Variants in ZSCAN18 observed in about 807,000 individuals in gnomAD.
ZSCAN18 encodes the protein zinc finger and SCAN domain-containing protein 18.
A neutral mutation model predicts 31.1 loss-of-function variants in ZSCAN18; 16 were observed. The ratio of observed to expected loss-of-function variants is 0.51; its 90% CI spans 0.35 to 0.78. ZSCAN18 has a LOEUF of 0.78. Among genes scored for constraint, ZSCAN18 ranks in the 30% least tolerant of loss-of-function variants. The pLI is 0.01. For missense variants in ZSCAN18, 731 were observed against 697.4 expected (o/e 1.05, Z -0.54); for synonymous variants, 375 against 320.7 (o/e 1.17, Z -1.81).
Position 58,090,580 on chromosome 19 carries a change from T to C in ZSCAN18, c.-119-194A>G. The C allele has an allele frequency of 1.9e-6, 1 of 513,696 alleles. No individual in the cohort carries two copies. Among genetic ancestry groups the C allele is most frequent in the Non-Finnish European group, 3.3e-6 (1 of 301,930 alleles). The allele number at this position is 513,696 out of a possible 1,614,324, so 31.8% of individuals were successfully genotyped here. On this transcript the variant is annotated intron_variant, in intron 1 of 6. Transcript: ENST00000601144. This position sits in a 1 kb window ranked among gnomAD's most constrained non-coding sequence, Gnocchi z 4.7. ...CATGTAAATGGAGGGTAACTCATTC[T>C]GTGCATTACCAGAATTTTTTTTTCT...
chr19:58,086,858 G>C, intron 5 of ZSCAN18, 48 bp downstream of exon 5: 1 of 1,449,154 alleles, frequency 6.9e-7, no homozygotes, highest in Non-Finnish European at 9.6e-7. Flanking sequence ...CAACCCCTGC[G>C]GAAGGGGATG....
upstream of ZSCAN18, among the ~76,000 whole-genome samples, chr19:58,099,806 C>T (rs1307938046): frequency 6.6e-6 from 1 of 152,096 alleles, no homozygotes; most frequent in Non-Finnish European, 1.5e-5. Context: ...ACTGATATAT[C>T]ATTGTGGTTT....
chr19:58,108,690 G>A (rs1243968969), intron 1 of ZSCAN18: 1 of 985,440 alleles, frequency 1.0e-6, no homozygotes, highest in South Asian at 4.7e-5. Flanking sequence ...CATTTCCAGA[G>A]ATACTTCCAT....
At chr19:58,117,954 G>C (rs1182264596) in intron 1 of ZSCAN18, among the ~76,000 whole-genome samples, 1 of 152,192 alleles carries the variant, frequency 6.6e-6, no homozygotes, top group Non-Finnish European at 1.5e-5. Flanking sequence ...GCCCAACGAA[G>C]AGGAGGGAGT....
In ZSCAN18 at chr19:58,086,267, C is replaced by T. The variant is rs767563417; in HGVS notation, c.746-1G>A. Reference sequence around the variant, plus strand: ...GCGTCAGGCTGGGAAAGCTGATACCCTGAGTGGGGTTAAAAACCAAAGAAA... The same window carrying T: ...GCGTCAGGCTGGGAAAGCTGATACCTTGAGTGGGGTTAAAAACCAAAGAAA... On this transcript the variant is annotated splice_acceptor_variant, in intron 5 of 6. Coordinates refer to ENST00000601144, the MANE Select transcript of ZSCAN18 (RefSeq NM_001145543.2). LOFTEE classifies it high-confidence loss of function. The T allele has an allele frequency of 6.2e-7, 1 of 1,613,358 alleles. No homozygotes were observed. Among genetic ancestry groups the T allele is most frequent in the Admixed American group, 1.7e-5 (1 of 59,992 alleles).
intron 1 of ZSCAN18, chr19:58,097,839 G>C: frequency 1.5e-6 from 1 of 686,830 alleles, no homozygotes; most frequent in African/African-American, 2.2e-5. Context: ...CCCATCAGGA[G>C]CCGCCCCTTC....
At chr19:58,105,307 C>T (rs4801250) in intron 1 of ZSCAN18, among the ~76,000 whole-genome samples, 28,251 of 152,162 alleles carry the variant, frequency 0.19, 2,755 homozygotes, top group African/African-American at 0.26. Flanking sequence ...GCCAACACAA[C>T]GTGTATTCTG....
At chr19:58,093,576 GAT>G (rs2074458747) in intron 1 of ZSCAN18, among the ~76,000 whole-genome samples, 1 of 152,120 alleles carries the variant, frequency 6.6e-6, no homozygotes, top group Non-Finnish European at 1.5e-5. Flanking sequence ...GCTTTCTCAT[GAT>G]TTAATCTCTG....
chr19:58,094,838 A>G (rs941318702), intron 1 of ZSCAN18, among the ~76,000 whole-genome samples: 1 of 139,640 alleles, frequency 7.2e-6, no homozygotes, highest in Admixed American at 7.7e-5. Context: ...TGATCACAAC[A>G]CCACATTGCA....
chr19:58,085,427 G>A, intron 6 of ZSCAN18, 48 bp from the exon 7 acceptor site: 2 of 1,477,142 alleles, frequency 1.4e-6, no homozygotes, highest in Non-Finnish European at 9.0e-7. Context: ...CCAGGGCCAG[G>A]GAGAGGAGGA....
intron 5 of ZSCAN18, 165 bp downstream of exon 5, chr19:58,086,741 G>A: frequency 1.7e-6 from 1 of 594,110 alleles, no homozygotes; most frequent in Non-Finnish European, 3.0e-6. Flanking sequence ...GATCAGAAAG[G>A]GTGGGGGCTT....
upstream of ZSCAN18, among the ~76,000 whole-genome samples, chr19:58,100,178 C>T (rs1265123639): frequency 6.6e-6 from 1 of 151,934 alleles, no homozygotes; most frequent in South Asian, 2.1e-4. Context: ...TGGTCTCAGA[C>T]CCCCGGGCTC....
rs1424210940 is a variant in ZSCAN18, at chr19:58,087,026, G to C, written c.643-18C>G. 1 of 1,596,552 alleles carries C rather than the reference G, an allele frequency of 6.3e-7. No homozygotes were observed. The highest frequency in any genetic ancestry group is 8.6e-7 in the Non-Finnish European group (1 of 1,166,706). ...TTCAGCTTCTGAAACATTAGTCGTG[G>C]CTGAGACCTCCCACCTGCCCTAGAG... On this transcript the variant is annotated intron_variant, in intron 4 of 6. Coordinates refer to ENST00000601144, the MANE Select transcript of ZSCAN18 (RefSeq NM_001145543.2).
intron 1 of ZSCAN18, among the ~76,000 whole-genome samples, chr19:58,106,419 C>CAGTTTTTTT (rs1555802957): frequency 1.7e-5 from 1 of 60,150 alleles, no homozygotes. Flanking sequence ...AAAAAGACAT[C>CAGTTTTTTT]TGGCTGGGCG....
In ZSCAN18 at chr19:58,106,682, C is replaced by T. The variant is rs1480936372; in HGVS notation, c.130+11585G>A. On this transcript the variant is annotated intron_variant, in intron 1 of 1. Coordinates refer to the ZSCAN18 transcript ENST00000595721. Reference sequence around the variant, plus strand: ...TCCCGCCACTGCACTCCAGCCTGGGCGACAGAGCGAGACTCCGTCTCAAAA... The same window carrying T: ...TCCCGCCACTGCACTCCAGCCTGGGTGACAGAGCGAGACTCCGTCTCAAAA... Among the ~76,000 whole-genome samples the T allele has an allele frequency of 6.1e-4, 4 of 6,522 alleles. 1 individual carries two copies. The highest frequency in any genetic ancestry group is 1.2e-3 in the African/African-American group (4 of 3,438). The allele number at this position is 6,522 out of a possible 152,430, so 4.3% of individuals were successfully genotyped here. A position where few individuals can be genotyped will look rare whatever the true frequency, so the allele number is the denominator to read the frequency against.
chr19:58,104,719 A>G (rs1302385041), intron 1 of ZSCAN18, among the ~76,000 whole-genome samples: 1 of 124,064 alleles, frequency 8.1e-6, no homozygotes, highest in Non-Finnish European at 1.7e-5. Context: ...ATAAAATAAA[A>G]TAAAATAAAA....
intron 1 of ZSCAN18, among the ~76,000 whole-genome samples, chr19:58,106,966 T>C (rs1009808249): frequency 6.6e-6 from 1 of 151,712 alleles, no homozygotes; most frequent in Non-Finnish European, 1.5e-5. Flanking sequence ...GGTTTCAGCA[T>C]GTTGGTCAGG....
At chr19:58,106,215 A>C (rs986904048) in intron 1 of ZSCAN18, among the ~76,000 whole-genome samples, 2 of 152,078 alleles carry the variant, frequency 1.3e-5, no homozygotes, top group African/African-American at 4.8e-5. Context: ...CAGCTTGAGC[A>C]ATATGGTGAG....
At chr19:58,101,788 A>G (rs1484767253), upstream of ZSCAN18, among the ~76,000 whole-genome samples, 6 of 151,478 alleles carry the variant, frequency 4.0e-5, no homozygotes, top group African/African-American at 9.7e-5. Context: ...CCAAAGTGCT[A>G]GGATTACAGG....
Sources: allele counts gnomAD v4.1 joint callset (sites outside exome capture counted in the v4.1 genomes callset), GRCh38; gene constraint gnomAD v4.1.1; non-coding constraint Gnocchi (gnomAD v3.1); transcripts MANE v1.5; gene names NCBI Gene and HGNC (gene_info 2026-07-23, HGNC 2026-07-21).